Variants in LGR6 observed in about 807,000 individuals in gnomAD.
LGR6 encodes the protein leucine-rich repeat-containing G protein-coupled receptor 6.
Under a neutral mutation model 69.4 loss-of-function variants are expected in LGR6, and 45 were observed. The ratio of observed to expected loss-of-function variants is 0.65; its 90% confidence interval spans 0.51 to 0.83. The LOEUF (loss-of-function observed/expected upper bound fraction) is 0.83. LGR6 is among the 40% of genes least tolerant of loss of function. The pLI, the probability that LGR6 is intolerant of heterozygous loss-of-function variation, is 0.00. For missense variants in LGR6, 1,108 were observed against 1,246.7 expected, an observed-to-expected ratio of 0.89 and a Z score of 1.68; for synonymous variants, 538 against 555.0, an observed-to-expected ratio of 0.97 and a Z score of 0.43.
intron 2 of LGR6, among the ~76,000 whole-genome samples, chr1:202,227,125 T>C (rs931525419): frequency 6.6e-6 from 1 of 152,214 alleles, no homozygotes; most frequent in Non-Finnish European, 1.5e-5. Flanking sequence ...CATAGTTTTT[T>C]TTTAAACAAT....
chr1:202,300,756 T>C, intron 7 of LGR6, 93 bp from the exon 8 acceptor site: 1 of 818,834 alleles, frequency 1.2e-6, no homozygotes, highest in Non-Finnish European at 2.0e-6. Flanking sequence ...ATGGACTGTC[T>C]AGCTTGCTGT....
chr1:202,213,982 T>G, intron 1 of LGR6: 1 of 922,448 alleles, frequency 1.1e-6, no homozygotes, highest in Non-Finnish European at 1.3e-6. Flanking sequence ...GGATCTAGTC[T>G]TTCTATAGCT....
At chr1:202,278,886 G>A (rs1198018215) in intron 5 of LGR6, among the ~76,000 whole-genome samples, 1 of 152,180 alleles carries the variant, frequency 6.6e-6, no homozygotes, top group Non-Finnish European at 1.5e-5. Context: ...GCACCAACAG[G>A]ACCCTTAGGT....
At chr1:202,249,675 G>A (rs1310920703) in intron 4 of LGR6, among the ~76,000 whole-genome samples, 1 of 152,144 alleles carries the variant, frequency 6.6e-6, no homozygotes, top group Admixed American at 6.5e-5. Context: ...GGAGACTTGG[G>A]TGTCATCCTT....
rs141415011 is a variant in LGR6 at position 202,318,230 on chromosome 1, C to T, written c.1927C>T (p.Arg643Trp). ...CCGCTGGGAGACGGGGCTAGGCTGC[C>T]GGGCCACTGGCTTCCTGGCAGTACT... is the stretch of plus-strand genomic sequence containing the variant. Reference protein sequence around the residue: ...GARWETGLGCRATGFLAVLGS... With the variant: ...GARWETGLGCWATGFLAVLGS... Residue 643 changes from arginine to tryptophan, a missense_variant, in exon 18 of 18, where the codon CGG (arginine) becomes TGG (tryptophan). Coordinates refer to ENST00000367278, the MANE Select transcript of LGR6 (RefSeq NM_001017403.2). 21 of 1,611,620 alleles carry T rather than the reference C, an allele frequency of 1.3e-5. No individual in the cohort carries two copies. The African/African-American group carries it at 1.3e-4, about 10-fold the overall frequency.
chr1:202,256,902 A>G (rs1428778070), intron 4 of LGR6, among the ~76,000 whole-genome samples: 1 of 152,116 alleles, frequency 6.6e-6, no homozygotes, highest in African/African-American at 2.4e-5. Flanking sequence ...GATTATAGCC[A>G]TCCTAGTGGG....
Position 202,314,887 on chromosome 1 carries a change from G to C in LGR6, c.1648+5G>C, listed in dbSNP as rs753624738. ...TCCAGTGTAGCCCTACTCCAGGTGA[G>C]GTGGTGTCTGGGGAATGGGGACGAG... is the stretch of plus-strand genomic sequence containing the variant. On this transcript the variant is annotated splice_donor_5th_base_variant and intron_variant, in intron 17 of 17. Coordinates refer to ENST00000367278, the MANE Select transcript of LGR6 (RefSeq NM_001017403.2). The C allele has an allele frequency of 6.2e-7, 1 of 1,610,614 alleles. No individual in the cohort carries two copies. The highest frequency in any genetic ancestry group is 1.3e-5 in the African/African-American group (1 of 74,828).
intron 6 of LGR6, among the ~76,000 whole-genome samples, chr1:202,282,861 A>G (rs1666116583): frequency 6.6e-6 from 1 of 152,172 alleles, no homozygotes; most frequent in South Asian, 2.1e-4. Flanking sequence ...CCTTTCATCT[A>G]CAGGAGCACT....
intron 3 of LGR6, 85 bp from the exon 4 acceptor site, chr1:202,235,837 C>G: frequency 8.7e-7 from 1 of 1,152,386 alleles, no homozygotes; most frequent in Non-Finnish European, 1.3e-6. Context: ...TGGCTTGGGA[C>G]TGGGGGTTCA....
At chr1:202,284,410 A>C (rs763569361) in intron 6 of LGR6, among the ~76,000 whole-genome samples, 2 of 152,200 alleles carry the variant, frequency 1.3e-5, no homozygotes, top group Non-Finnish European at 2.9e-5. Flanking sequence ...ATCAGACCAA[A>C]TGTAGGTATT....
At chr1:202,233,498 C>A (rs1161817011) in intron 3 of LGR6, among the ~76,000 whole-genome samples, 1 of 152,116 alleles carries the variant, frequency 6.6e-6, no homozygotes, top group African/African-American at 2.4e-5. Context: ...GAAGCGAAGG[C>A]CCACCCTTTA....
intron 4 of LGR6, among the ~76,000 whole-genome samples, chr1:202,249,272 A>G (rs1260490242): frequency 6.6e-6 from 1 of 152,038 alleles, no homozygotes; most frequent in East Asian, 1.9e-4. Context: ...CTCTTTCCTT[A>G]AAGTCCTTTC....
At chr1:202,283,591 G>A (rs552716846) in intron 6 of LGR6, among the ~76,000 whole-genome samples, 1 of 152,318 alleles carries the variant, frequency 6.6e-6, no homozygotes, top group African/African-American at 2.4e-5. Context: ...CTGTGGTTTG[G>A]CTCCTCTGCA....
chr1:202,310,349 A>G lies in LGR6; in HGVS notation c.1559A>G (p.Glu520Gly). The G allele has an allele frequency of 6.2e-7, 1 of 1,613,670 alleles. No homozygotes were observed. Among genetic ancestry groups the G allele is most frequent in the Non-Finnish European group, 8.5e-7 (1 of 1,179,960 alleles). The change falls in exon 16 of 18, where the codon GAG becomes GGG. Residue 520 changes from glutamate to glycine, a missense_variant. Coordinates refer to ENST00000367278, the MANE Select transcript of LGR6 (RefSeq NM_001017403.2). ...RPLGLLARQA[E>G]NHYDQDLDEL... Reference sequence around the variant, plus strand: ...CTGGGCCTCCTTGCCAGACAAGCAGAGAACCACTGTGAGTGACCAGGGGCC... The same window carrying G: ...CTGGGCCTCCTTGCCAGACAAGCAGGGAACCACTGTGAGTGACCAGGGGCC...
intron 16 of LGR6, among the ~76,000 whole-genome samples, chr1:202,313,424 G>A (rs1653903219): frequency 6.6e-6 from 1 of 151,840 alleles, no homozygotes; most frequent in Non-Finnish European, 1.5e-5. Flanking sequence ...ACCCCCCAAA[G>A]TAATCAGTCC....
intron 6 of LGR6, 51 bp from the exon 7 acceptor site, chr1:202,297,457 A>ACATG: frequency 6.8e-7 from 1 of 1,469,706 alleles, no homozygotes; most frequent in Non-Finnish European, 9.4e-7. Context: ...AGGGACCCTG[A>ACATG]CATGCCCCAT....
intron 4 of LGR6, among the ~76,000 whole-genome samples, chr1:202,239,607 A>T (rs1661996163): frequency 6.6e-6 from 1 of 152,038 alleles, no homozygotes; most frequent in African/African-American, 2.4e-5. Context: ...GAAGGTGGGG[A>T]AGTCAGTGAA....
At chr1:202,237,355 A>C (rs1273010057) in intron 4 of LGR6, among the ~76,000 whole-genome samples, 2 of 152,260 alleles carry the variant, frequency 1.3e-5, no homozygotes, top group Admixed American at 1.3e-4. Flanking sequence ...GGCAGACTAA[A>C]CATTTGCCTA....
At chr1:202,282,433 A>G (rs1666081997) in intron 6 of LGR6, among the ~76,000 whole-genome samples, 1 of 152,162 alleles carries the variant, frequency 6.6e-6, no homozygotes, top group Admixed American at 6.5e-5. Flanking sequence ...GTCTGGGTCA[A>G]ATGTGAACTG....
Sources: gnomAD v4.1 joint callset for allele counts (sites outside exome capture counted in the v4.1 genomes callset) on GRCh38, gnomAD v4.1.1 for gene constraint, MANE v1.5 for transcripts, NCBI Gene and HGNC (gene_info 2026-07-23, HGNC 2026-07-21) for gene names.